LRMDA: variants seen among roughly 807,000 people sequenced by gnomAD.
The protein encoded by LRMDA is leucine rich melanocyte differentiation associated, also known as leucine-rich melanocyte differentiation-associated protein.
LRMDA carries 18 observed loss-of-function variants against 29.8 expected under a neutral mutation model. The ratio of observed to expected loss-of-function variants is 0.60; its 90% confidence interval spans 0.42 to 0.90. The LOEUF (loss-of-function observed/expected upper bound fraction) is 0.90. Ranked by LOEUF, LRMDA falls within the 40% of genes least tolerant of loss-of-function variation. The pLI, the probability that LRMDA is intolerant of heterozygous loss-of-function variation, is 0.00. For synonymous variants in LRMDA, 125 were observed against 109.4 expected, an observed-to-expected ratio of 1.14 and a Z score of -0.89; for missense variants, 273 against 273.9, an observed-to-expected ratio of 1.00 and a Z score of 0.02.
chr10:75,738,110 C>T (rs1404159716), intron 2 of LRMDA, among the ~76,000 whole-genome samples: 1 of 152,116 alleles, frequency 6.6e-6, no homozygotes, highest in African/African-American at 2.4e-5. Flanking sequence ...AAACGCAGCC[C>T]CTTCCCCCAT....
At chr10:75,661,482 C>T (rs900022586) in intron 2 of LRMDA, among the ~76,000 whole-genome samples, 4 of 152,112 alleles carry the variant, frequency 2.6e-5, no homozygotes, top group African/African-American at 9.7e-5. Context: ...CCAAGCAATG[C>T]CAATGCTGCT....
chr10:76,463,652 G>T (rs116667168), intron 6 of LRMDA, among the ~76,000 whole-genome samples: 22 of 152,284 alleles, frequency 1.4e-4, no homozygotes, highest in African/African-American at 5.1e-4. Context: ...TGGCAGGGGA[G>T]GGGGGAAGGG....
intron 2 of LRMDA, among the ~76,000 whole-genome samples, chr10:75,680,668 G>A (rs542935226): frequency 6.6e-6 from 1 of 152,146 alleles, no homozygotes; most frequent in South Asian, 2.1e-4. Context: ...ACCTCCACGA[G>A]GAAGGGGAAG....
chr10:75,965,289 T>C (rs1421713866), intron 2 of LRMDA, among the ~76,000 whole-genome samples: 2 of 152,226 alleles, frequency 1.3e-5, no homozygotes, highest in Non-Finnish European at 2.9e-5. Flanking sequence ...ACTGTTACAA[T>C]AATTATTAGT....
intron 2 of LRMDA, among the ~76,000 whole-genome samples, chr10:75,856,326 A>G (rs1238331438): frequency 2.0e-5 from 3 of 152,206 alleles, no homozygotes; most frequent in Non-Finnish European, 4.4e-5. Flanking sequence ...TCTTTGAAGC[A>G]ATTGTGAATG....
chr10:75,777,880 T>C (rs1843333289), intron 2 of LRMDA, among the ~76,000 whole-genome samples: 1 of 152,226 alleles, frequency 6.6e-6, no homozygotes, highest in Non-Finnish European at 1.5e-5. Flanking sequence ...ATAACACAGA[T>C]AGTGAATAGT....
intron 2 of LRMDA, among the ~76,000 whole-genome samples, chr10:75,476,647 T>C (rs889116449): frequency 1.3e-5 from 2 of 152,174 alleles, no homozygotes; most frequent in African/African-American, 2.4e-5. Flanking sequence ...AGATGACTTT[T>C]CTAGCTCAGC....
intron 2 of LRMDA, among the ~76,000 whole-genome samples, chr10:75,641,462 A>C (rs1841452169): frequency 6.6e-6 from 1 of 151,418 alleles, no homozygotes. Context: ...TTTTATTTTT[A>C]ATAAAGATAG....
At chr10:76,424,539 A>AAAAAAC (rs775516160) in intron 6 of LRMDA, among the ~76,000 whole-genome samples, 56 of 152,332 alleles carry the variant, frequency 3.7e-4, no homozygotes, top group African/African-American at 1.1e-3. Flanking sequence ...ACTCCATCTC[A>AAAAAAC]AAAAACAAAA....
At chr10:75,534,791 T>C (rs1226230748) in intron 2 of LRMDA, among the ~76,000 whole-genome samples, 5 of 152,158 alleles carry the variant, frequency 3.3e-5, no homozygotes, top group African/African-American at 4.8e-5. Context: ...AATCCCAAAA[T>C]AAGACTCCTA....
At chr10:75,939,019 G>A (rs186970038) in intron 2 of LRMDA, among the ~76,000 whole-genome samples, 3 of 152,284 alleles carry the variant, frequency 2.0e-5, no homozygotes, top group East Asian at 1.9e-4. Context: ...ACCAGCGCTC[G>A]GCATGAAATC....
At chr10:75,953,270 G>C (rs1413405266) in intron 2 of LRMDA, among the ~76,000 whole-genome samples, 1 of 151,952 alleles carries the variant, frequency 6.6e-6, no homozygotes, top group Non-Finnish European at 1.5e-5. Flanking sequence ...TAGAGATAGC[G>C]GTCTCACTAT....
intron 2 of LRMDA, among the ~76,000 whole-genome samples, chr10:75,561,198 G>T (rs1188217538): frequency 6.6e-6 from 1 of 151,508 alleles, no homozygotes. Context: ...ATTGATTATT[G>T]CCTCAATTTC....
chr10:75,826,064 G>C lies in LRMDA; in HGVS notation c.132-209944G>C, dbSNP rs547627860. 5.9e-5 allele frequency among the ~76,000 whole-genome samples: 9 copies of C among 152,304 alleles called. No individual in the cohort carries two copies. In the South Asian group the frequency reaches 1.9e-3, roughly 32 times the overall value. ...TGCCATATGGCTTTGGGGGGCCTCA[G>C]AAGTGCTTCTTGGTTCATTCTTATA... is the stretch of plus-strand genomic sequence containing the variant. On this transcript the variant is annotated intron_variant, in intron 2 of 6. Transcript: ENST00000611255.
At chr10:75,607,091 C>G (rs1040210313) in intron 2 of LRMDA, among the ~76,000 whole-genome samples, 1 of 152,150 alleles carries the variant, frequency 6.6e-6, no homozygotes, top group Non-Finnish European at 1.5e-5. Flanking sequence ...AATTAGATAT[C>G]AAAGTCTACA....
At chr10:75,793,308 C>T (rs1310349179) in intron 2 of LRMDA, among the ~76,000 whole-genome samples, 2 of 152,094 alleles carry the variant, frequency 1.3e-5, no homozygotes, top group African/African-American at 2.4e-5. Context: ...GTCAGATTTC[C>T]AGTCTAGATC....
At chr10:76,506,665 C>G (rs1842962356) in intron 6 of LRMDA, among the ~76,000 whole-genome samples, 1 of 152,002 alleles carries the variant, frequency 6.6e-6, no homozygotes, top group Admixed American at 6.6e-5. Context: ...CACTATTCTA[C>G]TTTTTAGCTC....
intron 5 of LRMDA, among the ~76,000 whole-genome samples, chr10:76,097,309 C>T (rs1388573658): frequency 6.6e-6 from 1 of 152,216 alleles, no homozygotes; most frequent in Non-Finnish European, 1.5e-5. Flanking sequence ...CCGTGCCCGG[C>T]TTCATGTTGC....
At chr10:76,216,787 G>A (rs1216208796) in intron 5 of LRMDA, among the ~76,000 whole-genome samples, 1 of 152,156 alleles carries the variant, frequency 6.6e-6, no homozygotes, top group Admixed American at 6.5e-5. Flanking sequence ...CAATTCCACT[G>A]TACAACAGGA....
Sources: allele counts gnomAD v4.1 joint callset (sites outside exome capture counted in the v4.1 genomes callset), GRCh38; gene constraint gnomAD v4.1.1; transcripts MANE v1.5; gene names NCBI Gene and HGNC (gene_info 2026-07-23, HGNC 2026-07-21).